HAO1: variants seen among roughly 807,000 people sequenced by gnomAD.
HAO1 encodes hydroxyacid oxidase 1, also known as 2-Hydroxyacid oxidase 1.
HAO1 carries 34 observed loss-of-function variants against 39.7 expected under a neutral mutation model. The ratio of observed to expected loss-of-function variants is 0.86; its 90% confidence interval spans 0.65 to 1.14. HAO1 has a LOEUF of 1.14. Ranked by LOEUF, HAO1 falls within the 50% of genes most tolerant of loss-of-function variation. HAO1 has a pLI of 0.00. For synonymous variants in HAO1, 172 were observed against 173.2 expected, an observed-to-expected ratio of 0.99 and a Z score of 0.05; for missense variants, 479 against 464.5, an observed-to-expected ratio of 1.03 and a Z score of -0.29.
In HAO1 at chr20:7,914,175, C is replaced by T. The variant is rs750852016; in HGVS notation, c.534G>A (p.Pro178=). The change falls in exon 3 of 8, where the codon CCG becomes CCA. Residue 178 remains proline (P), a synonymous_variant. Transcript: ENST00000378789. ...ATGATCATGGTTACCTGAGTTGTGG[C>T]GGCAGTTTGAATCTGTTACGCACAT... ...LDDVRNRFKL[P]PQLRMKNFET... 22 of 1,613,892 alleles carry T rather than the reference C, an allele frequency of 1.4e-5. No homozygotes were observed. Among genetic ancestry groups the T allele is most frequent in the African/African-American group, 2.7e-5 (2 of 75,040 alleles).
At chr20:7,918,631 C>A (rs986047177) in intron 2 of HAO1, among the ~76,000 whole-genome samples, 2 of 152,138 alleles carry the variant, frequency 1.3e-5, no homozygotes, top group South Asian at 2.1e-4. Context: ...GGGCATCCAC[C>A]CTGTTAGAGC....
intron 2 of HAO1, among the ~76,000 whole-genome samples, chr20:7,922,075 C>T (rs2050336062): frequency 6.6e-6 from 1 of 151,930 alleles, no homozygotes; most frequent in Admixed American, 6.6e-5. Context: ...ACCTTTGTAA[C>T]AAACCTGCAC....
chr20:7,886,309 G>A (rs563821593), intron 5 of HAO1, among the ~76,000 whole-genome samples: 9 of 152,044 alleles, frequency 5.9e-5, no homozygotes, highest in Admixed American at 2.6e-4. Context: ...AAGTAGCTAG[G>A]ATTACAGGTG....
intron 2 of HAO1, among the ~76,000 whole-genome samples, chr20:7,923,184 T>A (rs1168442005): frequency 6.6e-6 from 1 of 152,140 alleles, no homozygotes; most frequent in African/African-American, 2.4e-5. Flanking sequence ...CAGCTACCTC[T>A]GGGGACGCTA....
chr20:7,915,244 A>C (rs899717053), intron 2 of HAO1, among the ~76,000 whole-genome samples: 4 of 152,208 alleles, frequency 2.6e-5, no homozygotes, highest in African/African-American at 9.6e-5. Flanking sequence ...TGAGATTAAC[A>C]TTTTAATTAG....
rs16994127 is a variant in HAO1 at position 7,905,277 on chromosome 20, C to T, written c.721+877G>A. On this transcript the variant is annotated intron_variant, in intron 4 of 7. Coordinates refer to ENST00000378789, the MANE Select transcript of HAO1 (RefSeq NM_017545.3). ...TTCTTTTACTTTTATAAGCTCATTT[C>T]TTCACACATAAAATTAAATAGTCAA... Among the ~76,000 whole-genome samples, 1,358 of 151,498 alleles carry T rather than the reference C, an allele frequency of 9.0e-3. 16 individuals are homozygous for T. Among genetic ancestry groups the T allele is most frequent in the African/African-American group, 0.031 (1,277 of 40,880 alleles).
intron 5 of HAO1, among the ~76,000 whole-genome samples, chr20:7,891,884 AT>A (rs1336573279): frequency 5.3e-5 from 8 of 152,254 alleles, no homozygotes; most frequent in African/African-American, 1.4e-4. Flanking sequence ...CTACATCTCC[AT>A]ACACAAGTGA....
chr20:7,890,994 G>A (rs944822371), intron 5 of HAO1, among the ~76,000 whole-genome samples: 3 of 152,176 alleles, frequency 2.0e-5, no homozygotes, highest in Admixed American at 1.3e-4. Flanking sequence ...CGTGAACTGT[G>A]CTTCTATAAA....
At chr20:7,888,084 G>T (rs1051309639) in intron 5 of HAO1, among the ~76,000 whole-genome samples, 2 of 152,086 alleles carry the variant, frequency 1.3e-5, no homozygotes, top group Admixed American at 6.6e-5. Flanking sequence ...GCTTCTTCGG[G>T]CAAGTAATTG....
intron 4 of HAO1, among the ~76,000 whole-genome samples, chr20:7,902,515 C>A (rs2050225409): frequency 6.6e-6 from 1 of 152,118 alleles, no homozygotes; most frequent in Non-Finnish European, 1.5e-5. Context: ...ACAAAATAGA[C>A]TACAGTATAG....
At chr20:7,891,294 A>G (rs1189734736) in intron 5 of HAO1, among the ~76,000 whole-genome samples, 1 of 152,186 alleles carries the variant, frequency 6.6e-6, no homozygotes, top group African/African-American at 2.4e-5. Context: ...CCTGATCATT[A>G]GTGATGTTGA....
chr20:7,895,899 C>T (rs1275318963), intron 4 of HAO1, among the ~76,000 whole-genome samples: 2 of 151,276 alleles, frequency 1.3e-5, no homozygotes, highest in Non-Finnish European at 3.0e-5. Context: ...TACAAAAAAA[C>T]AAAAACAAAA....
At chr20:7,903,668 A>AG in intron 4 of HAO1, among the ~76,000 whole-genome samples, 2 of 146,248 alleles carry the variant, frequency 1.4e-5, no homozygotes, top group South Asian at 2.2e-4. Context: ...TGGTGGTGGC[A>AG]GTGGTGGTGG....
intron 2 of HAO1, among the ~76,000 whole-genome samples, chr20:7,922,461 T>C (rs1568518218): frequency 6.6e-6 from 1 of 152,154 alleles, no homozygotes; most frequent in Non-Finnish European, 1.5e-5. Context: ...CCCTTGCAAA[T>C]ATAGTGTCCA....
chr20:7,907,661 G>GTCA (rs1338359642), intron 3 of HAO1, among the ~76,000 whole-genome samples: 6 of 152,204 alleles, frequency 3.9e-5, no homozygotes, highest in Admixed American at 3.3e-4. Context: ...ACCCAGCTTA[G>GTCA]CCCAGTATTT....
At chr20:7,920,487 G>A (rs1164797022) in intron 2 of HAO1, among the ~76,000 whole-genome samples, 10 of 152,012 alleles carry the variant, frequency 6.6e-5, no homozygotes, top group Admixed American at 6.6e-4. Flanking sequence ...ATTAACTGTG[G>A]ACACCATGCA....
At chr20:7,936,547 T>TGTGTGTGTGTGTGTGTGTGTGTGTGTGTG (rs751822933) in intron 1 of HAO1, among the ~76,000 whole-genome samples, 12 of 136,730 alleles carry the variant, frequency 8.8e-5, no homozygotes, top group Middle Eastern at 4.0e-3. Context: ...TGTGTGTGTG[T>TGTGTGTGTGTGTGTGTGTGTGTGTGTGTG]TCGCGCGCGC....
At chr20:7,919,851 C>T (rs1175051522) in intron 2 of HAO1, among the ~76,000 whole-genome samples, 1 of 152,148 alleles carries the variant, frequency 6.6e-6, no homozygotes, top group African/African-American at 2.4e-5. Context: ...TAATCTTCTC[C>T]ACAGCCAGCT....
At position 7,885,711 on chromosome 20, in the gene HAO1, A is replaced by T; in HGVS notation, c.967T>A (p.Phe323Ile). Reference sequence around the variant, plus strand: ...TCATTTCTTTGTCCAGTTACCTGGAAAGCTAAGCCCCAAACGATTGGTCTC... The same window carrying T: ...TCATTTCTTTGTCCAGTTACCTGGATAGCTAAGCCCCAAACGATTGGTCTC... Reference protein sequence around the residue: ...VGRPIVWGLAFQGEKGVQDVL... With the variant: ...VGRPIVWGLAIQGEKGVQDVL... The change falls in exon 6 of 8, where the codon TTC becomes ATC. Residue 323 changes from phenylalanine to isoleucine, a missense_variant. Coordinates refer to ENST00000378789, the MANE Select transcript of HAO1 (RefSeq NM_017545.3). 1 of 1,611,740 alleles carries T rather than the reference A, an allele frequency of 6.2e-7. No individual in the cohort carries two copies. The highest frequency in any genetic ancestry group is 1.7e-5 in the Admixed American group (1 of 59,770).
Sources: gnomAD v4.1 joint callset for allele counts (sites outside exome capture counted in the v4.1 genomes callset) on GRCh38, gnomAD v4.1.1 for gene constraint, MANE v1.5 for transcripts, NCBI Gene and HGNC (gene_info 2026-07-23, HGNC 2026-07-21) for gene names.